Variants in GALNT13 observed in about 807,000 individuals in gnomAD.
The protein encoded by GALNT13 is polypeptide N-acetylgalactosaminyltransferase 13, also known as UDP-GalNAc:polypeptide N-acetylgalactosaminyltransferase 13.
GALNT13 carries 28 observed loss-of-function variants against 64.2 expected under a neutral mutation model. The observed-to-expected ratio is 0.44, with a 90% CI of 0.32 to 0.60. The LOEUF (loss-of-function observed/expected upper bound fraction) is 0.60, where lower values mean the gene tolerates loss of function less well. Among genes scored for constraint, GALNT13 ranks in the 20% least tolerant of loss-of-function variants. The pLI is 0.05. For missense variants in GALNT13, 577 were observed against 669.8 expected, an observed-to-expected ratio of 0.86 and a Z score of 1.53; for synonymous variants, 214 against 224.6, an observed-to-expected ratio of 0.95 and a Z score of 0.42.
intron 9 of GALNT13, among the ~76,000 whole-genome samples, chr2:154,355,942 CT>C (rs1202471497): frequency 1.3e-5 from 2 of 151,948 alleles, no homozygotes; most frequent in African/African-American, 4.8e-5. Context: ...CTGCCAGTAT[CT>C]TTAATTGCCA....
intron 9 of GALNT13, among the ~76,000 whole-genome samples, chr2:154,343,977 T>C (rs1695919057): frequency 1.3e-5 from 2 of 151,978 alleles, no homozygotes; most frequent in Admixed American, 1.3e-4. Context: ...TTTCAGCAAG[T>C]GGCACCTTAG....
At chr2:153,618,753 C>T in the GALNT13 span, among the ~76,000 whole-genome samples, 27 of 152,004 alleles carry the variant, frequency 1.8e-4, no homozygotes, top group East Asian at 5.2e-3. Flanking sequence ...TCAATTGACC[C>T]TTTTATTATT....
the GALNT13 span, among the ~76,000 whole-genome samples, chr2:153,222,612 C>G: frequency 3.9e-5 from 6 of 152,124 alleles, no homozygotes; most frequent in Non-Finnish European, 8.8e-5. Context: ...CTGTTCCTGC[C>G]GAGGGACACC....
chr2:153,446,511 C>T, the GALNT13 span, among the ~76,000 whole-genome samples: 2 of 152,270 alleles, frequency 1.3e-5, no homozygotes, highest in African/African-American at 2.4e-5. Flanking sequence ...AGACTACACT[C>T]TTAACTACTG....
chr2:154,402,240 G>A (rs1559135838), intron 10 of GALNT13, among the ~76,000 whole-genome samples: 1 of 152,148 alleles, frequency 6.6e-6, no homozygotes, highest in East Asian at 1.9e-4. Context: ...AAGATTGGTG[G>A]TGGGGGCGTG....
Position 154,452,886 on chromosome 2 carries a change from A to G in GALNT13, c.*2335A>G, listed in dbSNP as rs1159269020. On this transcript the variant is annotated 3_prime_UTR_variant, in exon 13 of 13. Coordinates refer to ENST00000392825, the MANE Select transcript of GALNT13 (RefSeq NM_052917.4). Reference sequence around the variant, plus strand: ...TCATAATGCACTTGTCTTATCCCTTATTTATGGAGCTAGACTGACATATTT... The same window carrying G: ...TCATAATGCACTTGTCTTATCCCTTGTTTATGGAGCTAGACTGACATATTT... 2.0e-5 allele frequency: 3 copies of G among 152,186 alleles called. No individual in the cohort carries two copies. The highest frequency in any genetic ancestry group is 4.4e-5 in the Non-Finnish European group (3 of 68,036). The allele number at this position is 152,186 out of a possible 1,614,324, so 9.4% of individuals were successfully genotyped here.
the GALNT13 span, among the ~76,000 whole-genome samples, chr2:153,239,178 G>A: frequency 2.0e-5 from 3 of 151,900 alleles, no homozygotes; most frequent in Non-Finnish European, 4.4e-5. Context: ...ATTTTAGTAT[G>A]GTGATTTTGT....
chr2:153,094,064 C>G, the GALNT13 span, among the ~76,000 whole-genome samples: 1 of 151,934 alleles, frequency 6.6e-6, no homozygotes, highest in Non-Finnish European at 1.5e-5. Context: ...TGGATCATCT[C>G]TCTCTGTTTT....
intron 3 of GALNT13, among the ~76,000 whole-genome samples, chr2:154,029,051 G>A (rs1698167987): frequency 6.6e-6 from 1 of 151,918 alleles, no homozygotes; most frequent in African/African-American, 2.4e-5. Context: ...AGCCAGTTGT[G>A]CACTAGAAAG....
the GALNT13 span, among the ~76,000 whole-genome samples, chr2:153,638,144 TG>T: frequency 6.6e-6 from 1 of 151,906 alleles, no homozygotes; most frequent in Non-Finnish European, 1.5e-5. Flanking sequence ...ATGTTTGGGG[TG>T]GCTGGAATAG....
intron 1 of GALNT13, among the ~76,000 whole-genome samples, chr2:153,877,189 T>G (rs534722652): frequency 1.7e-4 from 26 of 152,194 alleles, no homozygotes; most frequent in Non-Finnish European, 2.8e-4. Context: ...CTTAGATTTC[T>G]TTCATATTTT....
chr2:154,057,379 A>G (rs1026305414), intron 3 of GALNT13, among the ~76,000 whole-genome samples: 20 of 152,198 alleles, frequency 1.3e-4, no homozygotes, highest in African/African-American at 3.9e-4. Flanking sequence ...GAGTATAACC[A>G]TTCAAAGAAG....
At chr2:153,363,162 A>G in the GALNT13 span, among the ~76,000 whole-genome samples, 3 of 152,116 alleles carry the variant, frequency 2.0e-5, no homozygotes, top group Admixed American at 6.6e-5. Flanking sequence ...TAAGGCGGAA[A>G]TCAAGAAGTT....
At chr2:153,942,825 G>T (rs990463812) in intron 2 of GALNT13, among the ~76,000 whole-genome samples, 4 of 152,048 alleles carry the variant, frequency 2.6e-5, no homozygotes, top group Non-Finnish European at 5.9e-5. Context: ...GTTTAGGTTG[G>T]TTATAACAGG....
the GALNT13 span, among the ~76,000 whole-genome samples, chr2:153,467,345 C>T: frequency 7.9e-5 from 12 of 151,986 alleles, no homozygotes; most frequent in African/African-American, 2.2e-4. Context: ...AATTTTTCTG[C>T]GTATCCCCTA....
chr2:153,157,278 A>G, the GALNT13 span, among the ~76,000 whole-genome samples: 2 of 152,308 alleles, frequency 1.3e-5, no homozygotes, highest in East Asian at 3.9e-4. Context: ...TCAGCAGTCC[A>G]CAGGTGTTTA....
chr2:153,349,755 G>A, the GALNT13 span, among the ~76,000 whole-genome samples: 1 of 152,096 alleles, frequency 6.6e-6, no homozygotes, highest in African/African-American at 2.4e-5. Context: ...TGTCAAAGAA[G>A]TACTCGGTGG....
chr2:153,439,362 T>C, the GALNT13 span, among the ~76,000 whole-genome samples: 1 of 152,130 alleles, frequency 6.6e-6, no homozygotes, highest in Admixed American at 6.5e-5. Flanking sequence ...ACAGGGACAT[T>C]TTCGTCTGCA....
chr2:153,444,781 A>G, the GALNT13 span, among the ~76,000 whole-genome samples: 11 of 152,194 alleles, frequency 7.2e-5, no homozygotes, highest in South Asian at 2.3e-3. Flanking sequence ...TTTTCTATTA[A>G]TTGCTAAGTG....
Sources: allele counts gnomAD v4.1 joint callset (sites outside exome capture counted in the v4.1 genomes callset), GRCh38; gene constraint gnomAD v4.1.1; transcripts MANE v1.5; gene names NCBI Gene and HGNC (gene_info 2026-07-23, HGNC 2026-07-21).